Variants in HELLS observed in about 807,000 individuals in gnomAD.
The protein encoded by HELLS is helicase, lymphoid specific, also known as lymphoid-specific helicase.
HELLS carries 32 observed loss-of-function variants against 120.0 expected under a neutral mutation model. The ratio of observed to expected loss-of-function variants is 0.27; its 90% CI spans 0.20 to 0.36. HELLS has a LOEUF of 0.36. Among genes scored for constraint, HELLS ranks in the 10% least tolerant of loss-of-function variants. The pLI, the probability that HELLS is intolerant of heterozygous loss-of-function variation, is 1.00. For missense variants in HELLS, 650 were observed against 993.4 expected (o/e 0.65, Z 4.65); for synonymous variants, 341 against 323.4 (o/e 1.05, Z -0.58).
At chr10:94,578,814 G>A (rs1444010357) in intron 10 of HELLS, among the ~76,000 whole-genome samples, 6 of 152,148 alleles carry the variant, frequency 3.9e-5, no homozygotes, top group African/African-American at 9.7e-5. Flanking sequence ...TATAAGGAGC[G>A]CACAACCCAG....
At chr10:94,591,120 C>A (rs1845469120) in intron 15 of HELLS, among the ~76,000 whole-genome samples, 1 of 152,186 alleles carries the variant, frequency 6.6e-6, no homozygotes. Flanking sequence ...AGGCAAGAGC[C>A]ACCACGCTTG....
intron 12 of HELLS, among the ~76,000 whole-genome samples, chr10:94,586,607 A>T (rs1390365131): frequency 6.6e-6 from 1 of 152,186 alleles, no homozygotes; most frequent in South Asian, 2.1e-4. Flanking sequence ...GAGCTTTATT[A>T]TATATGATTA....
intron 3 of HELLS, among the ~76,000 whole-genome samples, chr10:94,555,671 C>T (rs1330554488): frequency 1.3e-5 from 2 of 152,020 alleles, no homozygotes; most frequent in East Asian, 3.9e-4. Context: ...ACTCTGTTGC[C>T]CAGGCTGGTG....
At chr10:94,604,124 CTTTT>C (rs1197097813), downstream of HELLS, among the ~76,000 whole-genome samples, 1 of 130,416 alleles carries the variant, frequency 7.7e-6, no homozygotes, top group South Asian at 2.5e-4. Context: ...CCACATCTGG[CTTTT>C]TTTTTTTTTT....
chr10:94,555,352 G>A (rs1267196057), intron 3 of HELLS, among the ~76,000 whole-genome samples: 1 of 152,102 alleles, frequency 6.6e-6, no homozygotes, highest in Non-Finnish European at 1.5e-5. Context: ...CAGGAGGATC[G>A]CTTGAACCCA....
At chr10:94,574,325 T>C in intron 8 of HELLS, 138 bp downstream of exon 8, 1 of 727,748 alleles carries the variant, frequency 1.4e-6, no homozygotes, top group Non-Finnish European at 2.2e-6. Context: ...CTTTCTGATT[T>C]CTTTACCCTG....
At chr10:94,589,633 G>A (rs900434232) in intron 13 of HELLS, among the ~76,000 whole-genome samples, 4 of 145,946 alleles carry the variant, frequency 2.7e-5, no homozygotes, top group Admixed American at 2.7e-4. Flanking sequence ...AATATTTATT[G>A]TGATGCATTT....
In HELLS at chr10:94,590,860, T is replaced by A; in HGVS notation, c.1767+84T>A. 5.5e-6 allele frequency: 4 copies of A among 733,070 alleles called. No homozygotes were observed. The East Asian group carries it at 1.2e-4, about 22-fold the overall frequency. 45.4% of individuals were successfully genotyped at this position (733,070 alleles called of 1,614,324 possible). A position where few individuals can be genotyped will look rare whatever the true frequency, so the allele number is the denominator to read the frequency against. ...AAAGTGTTACTTTTTTTGATTATAATTATTAAAAATAAGTATGGTGCTATT... is the reference window on the plus strand; with the variant it reads ...AAAGTGTTACTTTTTTTGATTATAAATATTAAAAATAAGTATGGTGCTATT... On this transcript the variant is annotated intron_variant, in intron 15 of 21. Transcript: ENST00000348459.
intron 10 of HELLS, chr10:94,577,420 G>A (rs1844552895): frequency 6.2e-6 from 1 of 160,052 alleles, no homozygotes; most frequent in South Asian, 1.7e-4. Flanking sequence ...AGTCCCCTTA[G>A]GTTTATCTTG....
At chr10:94,549,726 T>G (rs897608446) in intron 2 of HELLS, among the ~76,000 whole-genome samples, 2 of 152,180 alleles carry the variant, frequency 1.3e-5, no homozygotes, top group Non-Finnish European at 2.9e-5. Context: ...AGGCACTCAG[T>G]GCTTTTAATA....
At chr10:94,556,059 G>A (rs1032781882) in intron 3 of HELLS, among the ~76,000 whole-genome samples, 6 of 152,226 alleles carry the variant, frequency 3.9e-5, no homozygotes, top group African/African-American at 1.4e-4. Context: ...AAGAAGCACA[G>A]GTAAGGCGAC....
chr10:94,577,923 C>G (rs935945650), intron 10 of HELLS, among the ~76,000 whole-genome samples: 2 of 151,954 alleles, frequency 1.3e-5, no homozygotes, highest in African/African-American at 2.4e-5. Context: ...ATTAGCCGGG[C>G]GCGGTGGCGG....
chr10:94,593,699 G>C (rs1266355681), intron 18 of HELLS, 84 bp downstream of exon 18: 1 of 807,154 alleles, frequency 1.2e-6, no homozygotes, highest in Non-Finnish European at 2.1e-6. Context: ...GTCTCACTCT[G>C]TTGCCCAGGC....
intron 9 of HELLS, chr10:94,608,038 TA>T: frequency 4.2e-6 from 1 of 235,462 alleles, no homozygotes; most frequent in Non-Finnish European, 9.0e-6. Flanking sequence ...TAAGATTTTA[TA>T]AGAAGCCTAC....
rs142080541 is a variant in HELLS at position 94,563,001 on chromosome 10, A to G, written c.435+125A>G. The G allele has an allele frequency of 1.1e-3, 684 of 641,914 alleles. 3 individuals carry two copies. The African/African-American group carries it at 0.011, about 11-fold the overall frequency. 39.8% of individuals were successfully genotyped at this position (641,914 alleles called of 1,614,324 possible). A position where few individuals can be genotyped will look rare whatever the true frequency, so the allele number is the denominator to read the frequency against. On this transcript the variant is annotated intron_variant, in intron 6 of 21. Transcript: ENST00000348459. ...TGAAATATGTTTTGAATTTAATATT[A>G]TATATCATTTATAGGTGAAGCTGCC...
intron 2 of HELLS, among the ~76,000 whole-genome samples, chr10:94,547,783 C>A (rs925010514): frequency 6.6e-6 from 1 of 152,152 alleles, no homozygotes; most frequent in Non-Finnish European, 1.5e-5. Flanking sequence ...TGGTAAATGG[C>A]AGAGCTAACA....
intron 17 of HELLS, among the ~76,000 whole-genome samples, chr10:94,592,815 G>T (rs1845557676): frequency 6.7e-6 from 1 of 148,744 alleles, no homozygotes. Context: ...TTTCTATTAT[G>T]AAAATATCAA....
chr10:94,553,051 C>A (rs926442987), intron 2 of HELLS, among the ~76,000 whole-genome samples: 4 of 152,048 alleles, frequency 2.6e-5, no homozygotes, highest in African/African-American at 9.7e-5. Flanking sequence ...CTAAAATGTT[C>A]TATCCAAATC....
chr10:94,571,843 C>T (rs561643011), intron 7 of HELLS, among the ~76,000 whole-genome samples: 2 of 152,258 alleles, frequency 1.3e-5, no homozygotes, highest in South Asian at 4.2e-4. Flanking sequence ...ATTTCCGAGC[C>T]ACCTCTTCAC....
Sources: allele counts gnomAD v4.1 joint callset (sites outside exome capture counted in the v4.1 genomes callset), GRCh38; gene constraint gnomAD v4.1.1; transcripts MANE v1.5; gene names NCBI Gene and HGNC (gene_info 2026-07-23, HGNC 2026-07-21).